The following USP34 variants were observed in gnomAD, a reference collection of about 807,000 sequenced individuals.
USP34 encodes ubiquitin specific peptidase 34.
Under a neutral mutation model 460.3 loss-of-function variants are expected in USP34, and 70 were observed. That is an observed-to-expected ratio of 0.15 (90% CI 0.13 to 0.19). The LOEUF (loss-of-function observed/expected upper bound fraction) is 0.19. USP34 is among the 10% of genes least tolerant of loss of function. USP34 has a pLI of 1.00. For synonymous variants in USP34, 1,647 were observed against 1,405.3 expected, an observed-to-expected ratio of 1.17 and a Z score of -3.85; for missense variants, 3,985 against 4,236.2, an observed-to-expected ratio of 0.94 and a Z score of 1.65.
At chr2:61,221,664 A>C (rs1687591617) in intron 65 of USP34, 58 bp from the exon 66 acceptor site, 1 of 1,514,802 alleles carries the variant, frequency 6.6e-7, no homozygotes, top group African/African-American at 1.4e-5. Flanking sequence ...CTCCTTCAGC[A>C]GAGAAGAAAC....
At chr2:61,314,200 A>G (rs994501676) in intron 25 of USP34, among the ~76,000 whole-genome samples, 1 of 152,040 alleles carries the variant, frequency 6.6e-6, no homozygotes, top group Admixed American at 6.5e-5. Context: ...ATATGACTCA[A>G]CTTGATTCAA....
chr2:61,391,152 A>G (rs900179859), intron 5 of USP34, among the ~76,000 whole-genome samples: 1 of 151,906 alleles, frequency 6.6e-6, no homozygotes, highest in Non-Finnish European at 1.5e-5. Context: ...CCTCAGTAAG[A>G]GTGAGGAAAT....
At chr2:61,405,448 C>T (rs1285800482) in intron 3 of USP34, among the ~76,000 whole-genome samples, 1 of 152,006 alleles carries the variant, frequency 6.6e-6, no homozygotes, top group Non-Finnish European at 1.5e-5. Flanking sequence ...AAGCATAGAT[C>T]TATAGCAGTA....
At position 61,280,248 on chromosome 2, in the gene USP34, C is replaced by A; in HGVS notation, c.5252G>T (p.Ser1751Ile). 1 of 1,534,192 alleles carries A rather than the reference C, an allele frequency of 6.5e-7. No homozygotes were observed. The highest frequency in any genetic ancestry group is 1.3e-5 in the South Asian group (1 of 78,992). ...LVDNIHIKDASQTTLLDLDAL... is the reference protein window; with the variant it reads ...LVDNIHIKDAIQTTLLDLDAL... ...TATATAATTTTCTGAACATACCTGA[C>A]TAGCGTCCTTTATATGTATGTTGTC... Residue 1751 changes from serine to isoleucine, a missense_variant, in exon 39 of 80, where the codon AGT becomes ATT. By Grantham distance (142) the Ser-to-Ile change is moderately radical. Around this residue, in one of 14 missense-constraint regions of USP34, gnomAD observed 1,114 missense variants for 1,122.5 expected, o/e 0.99. Coordinates refer to ENST00000398571, the MANE Select transcript of USP34 (RefSeq NM_014709.4).
chr2:61,382,289 T>A (rs1015975053), intron 6 of USP34, among the ~76,000 whole-genome samples: 3 of 152,180 alleles, frequency 2.0e-5, no homozygotes, highest in African/African-American at 7.2e-5. Flanking sequence ...GCCTACAAGG[T>A]CCTGAATAAT....
intron 8 of USP34, among the ~76,000 whole-genome samples, chr2:61,372,648 T>C (rs972241303): frequency 2.0e-5 from 3 of 152,110 alleles, no homozygotes; most frequent in African/African-American, 4.8e-5. Flanking sequence ...GTCAGAGCTG[T>C]AGTAAGGCAT....
At chr2:61,221,399 T>A in intron 66 of USP34, 103 bp downstream of exon 66, 1 of 1,058,016 alleles carries the variant, frequency 9.5e-7, no homozygotes, top group Middle Eastern at 2.2e-4. Flanking sequence ...ACTAAAACCA[T>A]CTTGGGGTAA....
chr2:61,341,807 C>T (rs1254809899), intron 16 of USP34, among the ~76,000 whole-genome samples: 6 of 131,390 alleles, frequency 4.6e-5, no homozygotes, highest in Admixed American at 2.8e-4. Context: ...GTTGCCCAGG[C>T]TGGAGTGGAG....
chr2:61,188,396 T>C lies in USP34; in HGVS notation c.10347A>G (p.Glu3449=). Residue 3449 remains glutamate, a synonymous_variant, in exon 80 of 80, where the codon GAA becomes GAG. Transcript: ENST00000398571. ...SNNGRYDDCK[E]FKDLHCSKDS... Reference sequence around the variant, plus strand: ...CCTTGGAACAGTGGAGGTCTTTAAATTCTTTACAATCGTCATATCTACCAT... The same window carrying C: ...CCTTGGAACAGTGGAGGTCTTTAAACTCTTTACAATCGTCATATCTACCAT... The C allele has an allele frequency of 6.2e-7, 1 of 1,614,210 alleles. No individual in the cohort carries two copies. The highest frequency in any genetic ancestry group is 1.1e-5 in the South Asian group (1 of 91,082).
At chr2:61,361,026 G>T (rs1692260638) in intron 10 of USP34, among the ~76,000 whole-genome samples, 1 of 152,048 alleles carries the variant, frequency 6.6e-6, no homozygotes. Flanking sequence ...ACCACAAAAG[G>T]CCCCAAATAG....
intron 20 of USP34, among the ~76,000 whole-genome samples, chr2:61,327,955 AGATATTCTCTAGAGGGCACTG>A (rs1384195661): frequency 6.6e-6 from 1 of 152,218 alleles, no homozygotes; most frequent in Non-Finnish European, 1.5e-5. Context: ...TCCACAGACA[AGATATTCTCTAGAGGGCACTG>A]GATTCAGGAA....
intron 75 of USP34, chr2:61,200,585 A>G (rs1290483268): frequency 6.6e-6 from 1 of 152,336 alleles, no homozygotes; most frequent in Non-Finnish European, 1.5e-5. Context: ...AATGACTTGC[A>G]ATCCATTATA....
At chr2:61,231,861 TATAA>T (rs1193130103) in intron 58 of USP34, among the ~76,000 whole-genome samples, 1 of 149,002 alleles carries the variant, frequency 6.7e-6, no homozygotes, top group Non-Finnish European at 1.5e-5. Flanking sequence ...TTTATAAATA[TATAA>T]ATATGATATA....
At position 61,384,781 on chromosome 2, in the gene USP34, C is replaced by T. The variant is rs1483699401; in HGVS notation, c.754-1445G>A. Among the ~76,000 whole-genome samples, 9 of 151,996 alleles carry T rather than the reference C, an allele frequency of 5.9e-5. 1 individual carries two copies. Among genetic ancestry groups the T allele is most frequent in the Admixed American group, 2.0e-4 (3 of 15,248 alleles). On this transcript the variant is annotated intron_variant, in intron 5 of 79. Coordinates refer to ENST00000398571, the MANE Select transcript of USP34 (RefSeq NM_014709.4). ...TATAAAAACCCTGTAGTAAATACTA[C>T]GTTAATGATGAAATGTTAAAAACTT...
At chr2:61,322,212 A>C (rs1387200053) in intron 21 of USP34, among the ~76,000 whole-genome samples, 3 of 152,200 alleles carry the variant, frequency 2.0e-5, no homozygotes, top group Non-Finnish European at 4.4e-5. Context: ...CCTGTGTGAC[A>C]AGAGCAAGAC....
rs560959320 is a variant in USP34 at position 61,294,278 on chromosome 2, G to A, written c.4461+671C>T. The stretch of plus-strand genomic sequence containing the variant: ...GGAGAATCGCGTGAACCTGGGAGGC[G>A]GAGCTTGCAGCAAGCAGAGATCGCG... On this transcript the variant is annotated intron_variant, in intron 32 of 79. Transcript: ENST00000398571. Among the ~76,000 whole-genome samples, 14 of 151,076 alleles carry A rather than the reference G, an allele frequency of 9.3e-5. No individual in the cohort carries two copies. In the South Asian group the frequency reaches 1.5e-3, roughly 16 times the overall value.
chr2:61,467,509 C>A (rs1342702646), intron 1 of USP34, among the ~76,000 whole-genome samples: 1 of 151,830 alleles, frequency 6.6e-6, no homozygotes, highest in African/African-American at 2.4e-5. Context: ...GGAAACACAC[C>A]ACCCAAAAAT....
At chr2:61,278,529 G>C (rs1309794427) in intron 39 of USP34, 86 bp from the exon 40 acceptor site, 3 of 1,068,150 alleles carry the variant, frequency 2.8e-6, no homozygotes, top group Non-Finnish European at 3.9e-6. Flanking sequence ...TTCCTTATAG[G>C]TAACAATAAT....
At chr2:61,190,039 TTA>T (rs1686583868) in intron 78 of USP34, 1 of 423,322 alleles carries the variant, frequency 2.4e-6, no homozygotes, top group Admixed American at 4.1e-5. Flanking sequence ...GATGTTCCCT[TTA>T]TTACCTTTCA....
Sources: gnomAD v4.1 joint callset for allele counts (sites outside exome capture counted in the v4.1 genomes callset) on GRCh38, gnomAD v4.1.1 for gene constraint, gnomAD v4.1.1 regional missense constraint, MANE v1.5 for transcripts, NCBI Gene and HGNC (gene_info 2026-07-23, HGNC 2026-07-21) for gene names.